Variants in PTPRG observed in about 807,000 individuals in gnomAD.
The protein encoded by PTPRG is protein tyrosine phosphatase receptor type G, also known as receptor-type tyrosine-protein phosphatase gamma.
A neutral mutation model predicts 165.3 loss-of-function variants in PTPRG; 102 were observed. The observed-to-expected ratio is 0.62, with a 90% confidence interval of 0.53 to 0.73. The LOEUF is 0.73. PTPRG is among the 30% of genes least tolerant of loss of function. The pLI is 0.00. For synonymous variants in PTPRG, 675 were observed against 669.5 expected (o/e 1.01, Z -0.13); for missense variants, 1,866 against 1,861.4 (o/e 1.00, Z -0.05).
chr3:62,070,039 T>G (rs901875818), intron 4 of PTPRG, among the ~76,000 whole-genome samples: 2 of 152,208 alleles, frequency 1.3e-5, no homozygotes, highest in South Asian at 4.1e-4. Flanking sequence ...TTCAATAGGA[T>G]AAAACAAAAT....
At chr3:62,094,331 G>T (rs904553958) in intron 5 of PTPRG, among the ~76,000 whole-genome samples, 1 of 152,102 alleles carries the variant, frequency 6.6e-6, no homozygotes, top group Admixed American at 6.5e-5. Context: ...CCCTTGGTGG[G>T]GTGCCCTTGT....
At position 62,074,352 on chromosome 3, in the gene PTPRG, C is replaced by CTTTTT. The variant is rs200189646; in HGVS notation, c.520-3794_520-3790dup. Among the ~76,000 whole-genome samples, 399 of 109,060 alleles carry CTTTTT rather than the reference C, an allele frequency of 3.7e-3. 6 individuals carry two copies. The highest frequency in any genetic ancestry group is 7.1e-3 in the South Asian group (24 of 3,378). 71.5% of individuals were successfully genotyped at this position (109,060 alleles called of 152,430 possible). A position where few individuals can be genotyped will look rare whatever the true frequency, so the allele number is the denominator to read the frequency against. ...TTTTTTCCTTTCTTTTCTTTTCTTT[C>CTTTTT]TTTTTTTTTTTTTTTTTTTTTGAGA... On this transcript the variant is annotated intron_variant, in intron 4 of 29. Transcript: ENST00000474889.
intron 21 of PTPRG, 118 bp from the exon 22 acceptor site, chr3:62,272,828 C>T (rs962689868): frequency 3.1e-5 from 37 of 1,190,782 alleles, no homozygotes; most frequent in Non-Finnish European, 4.1e-5. Context: ...CAGAGTGAAA[C>T]TCCATCTCAT....
intron 14 of PTPRG, among the ~76,000 whole-genome samples, chr3:62,239,566 C>A (rs1464247231): frequency 6.6e-6 from 1 of 151,876 alleles, no homozygotes; most frequent in Admixed American, 6.6e-5. Flanking sequence ...GACGGGGTTT[C>A]ACCATCTTGG....
At chr3:61,810,689 G>T (rs187121804) in intron 2 of PTPRG, among the ~76,000 whole-genome samples, 1 of 152,146 alleles carries the variant, frequency 6.6e-6, no homozygotes, top group African/African-American at 2.4e-5. Context: ...AGCTCTGTCT[G>T]TGTAATGCAA....
chr3:61,723,771 TATCTC>T (rs2032146093), intron 1 of PTPRG, among the ~76,000 whole-genome samples: 1 of 152,176 alleles, frequency 6.6e-6, no homozygotes. Context: ...GTGGACATTT[TATCTC>T]ATATATGGTG....
intron 4 of PTPRG, among the ~76,000 whole-genome samples, chr3:62,028,411 T>C (rs1699645360): frequency 6.6e-6 from 1 of 152,184 alleles, no homozygotes; most frequent in Non-Finnish European, 1.5e-5. Flanking sequence ...ACCAAACACA[T>C]TATGAAATGT....
chr3:61,627,480 C>G (rs755324474), intron 1 of PTPRG, among the ~76,000 whole-genome samples: 1 of 152,052 alleles, frequency 6.6e-6, no homozygotes, highest in Non-Finnish European at 1.5e-5. Context: ...CTTTATCAGG[C>G]CTACTTCTTT....
intron 4 of PTPRG, among the ~76,000 whole-genome samples, chr3:62,070,258 C>G (rs1449992923): frequency 6.6e-6 from 1 of 152,170 alleles, no homozygotes; most frequent in Admixed American, 6.5e-5. Context: ...AGTCACTTGG[C>G]CATTTCACAG....
intron 5 of PTPRG, among the ~76,000 whole-genome samples, chr3:62,129,192 C>G (rs1480979122): frequency 2.0e-5 from 3 of 152,136 alleles, no homozygotes; most frequent in Non-Finnish European, 4.4e-5. Flanking sequence ...GAGTATCAGA[C>G]ATGGAGAAGC....
chr3:62,007,780 A>G (rs2041331148), intron 4 of PTPRG, among the ~76,000 whole-genome samples: 1 of 152,250 alleles, frequency 6.6e-6, no homozygotes, highest in African/African-American at 2.4e-5. Context: ...TATTAGACGG[A>G]AAAGATGAGT....
chr3:61,995,704 C>CTTCT (rs2041021876), intron 3 of PTPRG, among the ~76,000 whole-genome samples: 1 of 134,950 alleles, frequency 7.4e-6, no homozygotes, highest in Non-Finnish European at 1.6e-5. Flanking sequence ...TCCTTCCTTC[C>CTTCT]TTCCTTCCTT....
chr3:61,731,299 T>C lies in PTPRG; in HGVS notation c.86-17579T>C, dbSNP rs185023967. ...GTTTTGTTCTTGGGGACAGGAACAT[T>C]AGTAGGGAGTATGCCATGAAGGAGA... is the stretch of plus-strand genomic sequence containing the variant. On this transcript the variant is annotated intron_variant, in intron 1 of 29. Coordinates refer to ENST00000474889, the MANE Select transcript of PTPRG (RefSeq NM_002841.4). Among the ~76,000 whole-genome samples, 64 of 152,044 alleles carry C rather than the reference T, an allele frequency of 4.2e-4. 1 individual carries two copies. Among genetic ancestry groups the C allele is most frequent in the African/African-American group, 1.4e-3 (60 of 41,480 alleles).
At chr3:61,646,421 A>C (rs1234072619) in intron 1 of PTPRG, among the ~76,000 whole-genome samples, 1 of 152,128 alleles carries the variant, frequency 6.6e-6, no homozygotes, top group Non-Finnish European at 1.5e-5. Flanking sequence ...CAGATCATCT[A>C]ATTCTTAATT....
At chr3:61,839,401 C>T (rs1002143870) in intron 2 of PTPRG, among the ~76,000 whole-genome samples, 6 of 152,110 alleles carry the variant, frequency 3.9e-5, no homozygotes, top group Non-Finnish European at 7.3e-5. Context: ...TCCAGCTGCT[C>T]CTGGAAGCCC....
chr3:62,258,119 A>G (rs997217694), intron 16 of PTPRG, among the ~76,000 whole-genome samples: 1 of 152,174 alleles, frequency 6.6e-6, no homozygotes, highest in Admixed American at 6.6e-5. Context: ...CCCCCCCACT[A>G]GGAGTATTAG....
At chr3:61,923,576 C>G (rs1234178946) in intron 2 of PTPRG, among the ~76,000 whole-genome samples, 2 of 136,636 alleles carry the variant, frequency 1.5e-5, no homozygotes, top group Non-Finnish European at 3.1e-5. Context: ...CCCACAACAG[C>G]CCCCGGTGTG....
intron 2 of PTPRG, among the ~76,000 whole-genome samples, chr3:61,843,965 T>C (rs2036728136): frequency 1.3e-4 from 1 of 7,674 alleles, no homozygotes; most frequent in Middle Eastern, 0.071. Flanking sequence ...TTTACAACTC[T>C]TTTTTTTTTT....
intron 26 of PTPRG, 25 bp from the exon 27 acceptor site, chr3:62,281,538 C>CTTTTTTTTTTTTTTTGTTTTTTTTT: frequency 1.6e-6 from 1 of 620,526 alleles, no homozygotes; most frequent in Non-Finnish European, 2.1e-6. Flanking sequence ...ACTGCAGAGG[C>CTTTTTTTTTTTTTTTGTTTTTTTTT]TTTTTTTTTT....
Sources: allele counts gnomAD v4.1 joint callset (sites outside exome capture counted in the v4.1 genomes callset), GRCh38; gene constraint gnomAD v4.1.1; transcripts MANE v1.5; gene names NCBI Gene and HGNC (gene_info 2026-07-23, HGNC 2026-07-21).